HCN3: variants seen among roughly 807,000 people sequenced by gnomAD.
The protein encoded by HCN3 is hyperpolarization activated cyclic nucleotide gated potassium channel 3.
Under a neutral mutation model 56.8 loss-of-function variants are expected in HCN3, and 36 were observed. That is an observed-to-expected ratio of 0.63 (90% CI 0.49 to 0.84). The LOEUF (loss-of-function observed/expected upper bound fraction) is 0.84, where lower values mean the gene tolerates loss of function less well. Among genes scored for constraint, HCN3 ranks in the 40% least tolerant of loss-of-function variants. The probability of loss-of-function intolerance (pLI) is 0.00; values close to 1 mark genes in which losing one functional copy is unlikely to be tolerated. For missense variants in HCN3, 930 were observed against 1,079.3 expected (o/e 0.86, Z 1.94); for synonymous variants, 425 against 439.7 (o/e 0.97, Z 0.42).
In HCN3 at chr1:155,282,597, T is replaced by G. The variant is rs140564885; in HGVS notation, c.465T>G (p.Ala155=). Residue 155 remains alanine (A), a synonymous_variant, in exon 2 of 8, where the codon GCT becomes GCG. Transcript: ENST00000368358. This position sits in a 1 kb window ranked among gnomAD's most constrained non-coding sequence, Gnocchi z 4.7. ...CGGGCATCGTGGTGGAGGAGGGTGC[T>G]GAGATCCTGCTGGCACCGCGGGCCA... ...FRTGIVVEEG[A]EILLAPRAIR... is the part of the protein sequence containing the mutation. 1.9e-6 allele frequency: 3 copies of G among 1,614,172 alleles called. No individual in the cohort carries two copies. Among genetic ancestry groups the G allele is most frequent in the African/African-American group, 1.3e-5 (1 of 75,048 alleles).
At chr1:155,280,091 C>T (rs908090613) in intron 1 of HCN3, among the ~76,000 whole-genome samples, 1 of 151,532 alleles carries the variant, frequency 6.6e-6, no homozygotes, top group Non-Finnish European at 1.5e-5. Flanking sequence ...AGATTACAAG[C>T]GCATGCCACC....
At position 155,286,058 on chromosome 1, in the gene HCN3, A is replaced by G; in HGVS notation, c.1477+94A>G. On this transcript the variant is annotated intron_variant, in intron 6 of 7. Coordinates refer to ENST00000368358, the MANE Select transcript of HCN3 (RefSeq NM_020897.3). The stretch of plus-strand genomic sequence containing the variant: ...CTGGGTCCCTGCCTCAGTACGCTGC[A>G]GAATCACAGAGCTCCAGCCCCTCCC... The G allele has an allele frequency of 2.0e-6, 3 of 1,474,964 alleles. No individual in the cohort carries two copies. In the East Asian group the frequency reaches 6.9e-5, roughly 34 times the overall value. 91.4% of individuals were successfully genotyped at this position (1,474,964 alleles called of 1,614,324 possible).
At position 155,284,496 on chromosome 1, in the gene HCN3, C is replaced by T. The variant is rs752806948; in HGVS notation, c.871-43C>T. 9 of 1,563,314 alleles carry T rather than the reference C, an allele frequency of 5.8e-6. No homozygotes were observed. The highest frequency in any genetic ancestry group is 1.7e-5 in the Admixed American group (1 of 58,322). ...AAGGGGCAGGCAGAGAATGAGGCTC[C>T]GAGGGGCCCATGCCCAGCTCTGCAA... On this transcript the variant is annotated intron_variant, in intron 3 of 7. Coordinates refer to ENST00000368358, the MANE Select transcript of HCN3 (RefSeq NM_020897.3). The surrounding 1 kb of genome is among the most constrained non-coding windows in gnomAD (Gnocchi z 4.3).
Position 155,285,767 on chromosome 1 carries a change from C to G in HCN3, c.1280C>G (p.Pro427Arg). The G allele has an allele frequency of 1.2e-6, 2 of 1,614,146 alleles. No homozygotes were observed. Among genetic ancestry groups the G allele is most frequent in the Non-Finnish European group, 8.5e-7 (1 of 1,180,006 alleles). Reference protein sequence around the residue: ...FTCRGLVAHMPLFAHADPSFV... With the variant: ...FTCRGLVAHMRLFAHADPSFV... Reference sequence around the variant, plus strand: ...TGTCGGGGCCTGGTGGCCCACATGCCGCTGTTTGCCCATGCCGACCCCAGC... The same window carrying G: ...TGTCGGGGCCTGGTGGCCCACATGCGGCTGTTTGCCCATGCCGACCCCAGC... Residue 427 changes from proline to arginine, a missense_variant, in exon 6 of 8, where the codon CCG becomes CGG. Transcript: ENST00000368358. This position sits in a 1 kb window ranked among gnomAD's most constrained non-coding sequence, Gnocchi z 4.5.
At chr1:155,283,952 AG>A in intron 2 of HCN3, 21 bp from the exon 3 acceptor site, 4 of 1,602,228 alleles carry the variant, frequency 2.5e-6, no homozygotes, top group Non-Finnish European at 3.4e-6. Flanking sequence ...TGTCCACAGC[AG>A]CTCCTCCTCG....
In HCN3 at chr1:155,285,230, C is replaced by G. The variant is rs771551154; in HGVS notation, c.1155C>G (p.His385Gln). 6.2e-7 allele frequency: 1 copy of G among 1,614,112 alleles called. No homozygotes were observed. The highest frequency in any genetic ancestry group is 1.1e-5 in the South Asian group (1 of 91,094). ...KLPADTRQRI[H>Q]EYYEHRYQGK... is the part of the protein sequence containing the mutation. The stretch of plus-strand genomic sequence containing the variant: ...CAGCAGACACGCGGCAGCGCATCCA[C>G]GAGTACTATGAGCACCGCTACCAGG... Residue 385 changes from histidine to glutamine, a missense_variant, in exon 5 of 8, where the codon CAC (histidine) becomes CAG (glutamine). By Grantham distance (24) the His-to-Gln change is conservative. Transcript: ENST00000368358. This position sits in a 1 kb window ranked among gnomAD's most constrained non-coding sequence, Gnocchi z 4.5.
chr1:155,279,129 TGAG>T (rs1673923423), intron 1 of HCN3, among the ~76,000 whole-genome samples: 2 of 152,162 alleles, frequency 1.3e-5, no homozygotes, highest in Non-Finnish European at 2.9e-5. Flanking sequence ...GGCCCGGACT[TGAG>T]GAAGTTTCTT....
rs1354250201 is a variant in HCN3, at chr1:155,277,836, G to A, written c.246G>A (p.Gly82=). ...AGCAGGAGCGGGTGAAGTCAGCGGGGGCCTGGATCATCCACCCCTACAGCG... is the reference window on the plus strand; with the variant it reads ...AGCAGGAGCGGGTGAAGTCAGCGGGAGCCTGGATCATCCACCCCTACAGCG... ...EIEQERVKSA[G]AWIIHPYSDF... is the part of the protein sequence containing the mutation. The change falls in exon 1 of 8, where the codon GGG becomes GGA. Residue 82 remains glycine, a synonymous_variant. Coordinates refer to ENST00000368358, the MANE Select transcript of HCN3 (RefSeq NM_020897.3). The A allele has an allele frequency of 6.2e-7, 1 of 1,612,244 alleles. No homozygotes were observed. The highest frequency in any genetic ancestry group is 1.1e-5 in the South Asian group (1 of 90,950).
At chr1:155,280,444 T>C (rs1399635680) in intron 1 of HCN3, among the ~76,000 whole-genome samples, 1 of 150,026 alleles carries the variant, frequency 6.7e-6, no homozygotes, top group Non-Finnish European at 1.5e-5. Context: ...TAATTTTTTT[T>C]TTTTTTTTTT....
Position 155,285,380 on chromosome 1 carries a change from A to C in HCN3, c.1236+69A>C, listed in dbSNP as rs900046264. 1 of 1,574,310 alleles carries C rather than the reference A, an allele frequency of 6.4e-7. No individual in the cohort carries two copies. Among genetic ancestry groups the C allele is most frequent in the African/African-American group, 1.3e-5 (1 of 74,210 alleles). ...GGAGTGCTGTCTGGTGGTAGGGGCT[A>C]TTGGTCAGCAGGTGCTCCTATAGGG... On this transcript the variant is annotated intron_variant, in intron 5 of 7. Coordinates refer to ENST00000368358, the MANE Select transcript of HCN3 (RefSeq NM_020897.3). The surrounding 1 kb of genome is among the most constrained non-coding windows in gnomAD (Gnocchi z 4.5).
In HCN3 at chr1:155,284,105, C is replaced by T. The variant is rs779452350; in HGVS notation, c.840C>T (p.Pro280=). 28 of 1,614,068 alleles carry T rather than the reference C, an allele frequency of 1.7e-5. No individual in the cohort carries two copies. The highest frequency in any genetic ancestry group is 2.2e-5 in the Non-Finnish European group (26 of 1,180,016). The part of the protein sequence containing the change: ...FLVPMLQDFP[P]DCWVSINHMV... ...TGCCCATGCTGCAGGACTTCCCTCC[C>T]GACTGCTGGGTCTCCATCAACCACA... Residue 280 remains proline, a synonymous_variant, in exon 3 of 8, where the codon CCC becomes CCT. Coordinates refer to ENST00000368358, the MANE Select transcript of HCN3 (RefSeq NM_020897.3). The surrounding 1 kb of genome is among the most constrained non-coding windows in gnomAD (Gnocchi z 4.3).
rs531440162 is a variant in HCN3 at position 155,278,887 on chromosome 1, G to T, written c.278+1019G>T. On this transcript the variant is annotated intron_variant, in intron 1 of 7. Transcript: ENST00000368358. Reference sequence around the variant, plus strand: ...CTCGCAGACGGATCCCCAGAAGCCTGGTATCCCTCTGATTGTGCTTCTCCA... The same window carrying T: ...CTCGCAGACGGATCCCCAGAAGCCTTGTATCCCTCTGATTGTGCTTCTCCA... Among the ~76,000 whole-genome samples the T allele has an allele frequency of 1.5e-4, 23 of 152,194 alleles. 2 individuals carry two copies. Among genetic ancestry groups the T allele is most frequent in the Admixed American group, 1.5e-3 (23 of 15,288 alleles).
At position 155,282,383 on chromosome 1, in the gene HCN3, C is replaced by A; in HGVS notation, c.279-28C>A. 1 of 1,607,216 alleles carries A rather than the reference C, an allele frequency of 6.2e-7. No individual in the cohort carries two copies. The highest frequency in any genetic ancestry group is 1.1e-5 in the South Asian group (1 of 90,384). On this transcript the variant is annotated intron_variant, in intron 1 of 7. Transcript: ENST00000368358. The surrounding 1 kb of genome is among the most constrained non-coding windows in gnomAD (Gnocchi z 4.7). ...GTGGCTGGTGAAATATCCTCATGGT[C>A]TTACTCCTCATCTCACTCCCACCTT...
chr1:155,280,680 T>C lies in HCN3; in HGVS notation c.279-1731T>C, dbSNP rs1467835565. Among the ~76,000 whole-genome samples, 6 of 148,236 alleles carry C rather than the reference T, an allele frequency of 4.0e-5. 1 individual carries two copies. Among genetic ancestry groups the C allele is most frequent in the Non-Finnish European group, 3.0e-5 (2 of 67,098 alleles). ...GTCTCAATCTCCTGACCTTGTGATC[T>C]GCCCACCTTGGCCTCCCAAAGTGCT... On this transcript the variant is annotated intron_variant, in intron 1 of 7. Transcript: ENST00000368358.
chr1:155,288,501 A>T lies in HCN3; in HGVS notation c.*38A>T, dbSNP rs748018714. Reference sequence around the variant, plus strand: ...CATCCAGCCTTAGTTCTTGGGGTGCAGTAGTATGTACCCAAGGGCAGATGC... The same window carrying T: ...CATCCAGCCTTAGTTCTTGGGGTGCTGTAGTATGTACCCAAGGGCAGATGC... On this transcript the variant is annotated 3_prime_UTR_variant, in exon 8 of 8. Coordinates refer to ENST00000368358, the MANE Select transcript of HCN3 (RefSeq NM_020897.3). This position sits in a 1 kb window ranked among gnomAD's most constrained non-coding sequence, Gnocchi z 6.5. 2 of 1,544,166 alleles carry T rather than the reference A, an allele frequency of 1.3e-6. No individual in the cohort carries two copies. The highest frequency in any genetic ancestry group is 1.7e-6 in the Non-Finnish European group (2 of 1,147,628).
At position 155,288,147 on chromosome 1, in the gene HCN3, GCCTGCCCGCCCCA is replaced by G. The variant is rs1674375432; in HGVS notation, c.2018_2030del (p.Ala673GlufsTer29). ...GCTGGCCCATGGGCATCCACCTCCC[GCCTGCCCGCCCCA>G]CCTGCCCGAACCCTGCACGCCAGCC... On this transcript the variant is annotated frameshift_variant, in exon 8 of 8. Transcript: ENST00000368358. LOFTEE classifies it high-confidence loss of function. This position sits in a 1 kb window ranked among gnomAD's most constrained non-coding sequence, Gnocchi z 6.5. The G allele has an allele frequency of 6.3e-7, 1 of 1,584,290 alleles. No homozygotes were observed. The highest frequency in any genetic ancestry group is 8.5e-7 in the Non-Finnish European group (1 of 1,170,072).
At chr1:155,279,852 T>G (rs1393630840) in intron 1 of HCN3, among the ~76,000 whole-genome samples, 8 of 152,184 alleles carry the variant, frequency 5.3e-5, no homozygotes, top group Admixed American at 4.6e-4. Context: ...TTTTTTAACC[T>G]TAAAAATATT....
chr1:155,277,888 G>A lies in HCN3; in HGVS notation c.278+20G>A. On this transcript the variant is annotated intron_variant, in intron 1 of 7. Transcript: ENST00000368358. Reference sequence around the variant, plus strand: ...CTTCCGGTATTGGGGGCTTGGCGGGGAGGGCAGGGTACATCAATCCCACCC... The same window carrying A: ...CTTCCGGTATTGGGGGCTTGGCGGGAAGGGCAGGGTACATCAATCCCACCC... 1.2e-6 allele frequency: 2 copies of A among 1,610,360 alleles called. No homozygotes were observed.
intron 1 of HCN3, among the ~76,000 whole-genome samples, chr1:155,280,529 C>T (rs1480758133): frequency 8.6e-5 from 13 of 151,574 alleles, no homozygotes; most frequent in Admixed American, 4.6e-4. Context: ...CTCCGCCTCC[C>T]GGGTTCACGC....
Sources: gnomAD v4.1 joint callset for allele counts (sites outside exome capture counted in the v4.1 genomes callset) on GRCh38, gnomAD v4.1.1 for gene constraint, Gnocchi (gnomAD v3.1) non-coding constraint, MANE v1.5 for transcripts, NCBI Gene and HGNC (gene_info 2026-07-23, HGNC 2026-07-21) for gene names.